Variants in PSME4 observed in about 807,000 individuals in gnomAD.
The protein encoded by PSME4 is proteasome activator subunit 4.
A neutral mutation model predicts 253.9 loss-of-function variants in PSME4; 89 were observed. That is an observed-to-expected ratio of 0.35 (90% confidence interval 0.30 to 0.42). PSME4 has a LOEUF of 0.42. Ranked by LOEUF, PSME4 falls within the 10% of genes least tolerant of loss-of-function variation. PSME4 has a pLI of 1.00. For synonymous variants in PSME4, 851 were observed against 759.2 expected, an observed-to-expected ratio of 1.12 and a Z score of -1.99; for missense variants, 2,014 against 2,195.2, an observed-to-expected ratio of 0.92 and a Z score of 1.65.
intron 26 of PSME4, among the ~76,000 whole-genome samples, chr2:53,904,520 A>G (rs1419091881): frequency 6.6e-6 from 1 of 152,252 alleles, no homozygotes. Flanking sequence ...TCTTATGTCC[A>G]CATGAGGAAA....
chr2:53,870,449 C>G (rs1000820683), intron 43 of PSME4: 1 of 148,460 alleles, frequency 6.7e-6, no homozygotes, highest in African/African-American at 2.5e-5. Context: ...TCTCGGCTCA[C>G]TGCAAGCTTT....
intron 43 of PSME4, chr2:53,870,544 T>A (rs1455345824): frequency 6.6e-6 from 1 of 151,766 alleles, no homozygotes; most frequent in East Asian, 1.9e-4. Context: ...TAATTTTTTT[T>A]TTTTTGTATT....
chr2:53,947,612 A>G (rs1669779973), intron 3 of PSME4, among the ~76,000 whole-genome samples: 1 of 152,168 alleles, frequency 6.6e-6, no homozygotes, highest in Non-Finnish European at 1.5e-5. Context: ...AGGCTGAGGC[A>G]GGAGAACGGC....
intron 10 of PSME4, among the ~76,000 whole-genome samples, chr2:53,930,057 A>T (rs1156963824): frequency 2.0e-5 from 3 of 151,526 alleles, no homozygotes; most frequent in African/African-American, 7.2e-5. Context: ...AATAAATAAT[A>T]AATTTTAAAA....
rs1381553649 is a variant in PSME4, at chr2:53,864,923, G to C, written c.*655C>G. 1.3e-5 allele frequency: 2 copies of C among 152,566 alleles called. No homozygotes were observed. Among genetic ancestry groups the C allele is most frequent in the African/African-American group, 4.8e-5 (2 of 41,434 alleles). The allele number at this position is 152,566 out of a possible 1,614,324, so 9.5% of individuals were successfully genotyped here. A position where few individuals can be genotyped will look rare whatever the true frequency, so the allele number is the denominator to read the frequency against. On this transcript the variant is annotated 3_prime_UTR_variant, in exon 47 of 47. Transcript: ENST00000404125. ...ACACATTGAATACACACAACAATCA[G>C]ATTTCTTCACCAAACCCCCAATTTT...
At chr2:53,886,745 T>A (rs924758776) in intron 40 of PSME4, among the ~76,000 whole-genome samples, 1 of 152,138 alleles carries the variant, frequency 6.6e-6, no homozygotes, top group African/African-American at 2.4e-5. Context: ...CAGGTACTTA[T>A]ACAAACATCA....
chr2:53,930,024 A>T (rs924285343), intron 10 of PSME4, among the ~76,000 whole-genome samples: 2 of 151,434 alleles, frequency 1.3e-5, no homozygotes, highest in Non-Finnish European at 2.9e-5. Flanking sequence ...TCTCTAAATA[A>T]ATAAATAATA....
intron 31 of PSME4, 62 bp downstream of exon 31, chr2:53,897,808 A>G: frequency 1.9e-6 from 3 of 1,541,796 alleles, no homozygotes; most frequent in Non-Finnish European, 2.7e-6. Context: ...TGAAGAATTT[A>G]AAGACTTCAG....
Position 53,970,854 on chromosome 2 carries a change from C to G in PSME4, c.-70G>C, listed in dbSNP as rs1448836737. 3 of 1,285,150 alleles carry G rather than the reference C, an allele frequency of 2.3e-6. No homozygotes were observed. The highest frequency in any genetic ancestry group is 3.2e-5 in the African/African-American group (2 of 63,272). The allele number at this position is 1,285,150 out of a possible 1,614,324, so 79.6% of individuals were successfully genotyped here. On this transcript the variant is annotated 5_prime_UTR_variant, in exon 1 of 47. Transcript: ENST00000404125. ...CCGGCCCCCACCCCTCTCCGGGCTCCGCCTCCTCCGCGTCTTCGTCGCCCT... is the reference window on the plus strand; with the variant it reads ...CCGGCCCCCACCCCTCTCCGGGCTCGGCCTCCTCCGCGTCTTCGTCGCCCT...
At position 53,904,012 on chromosome 2, in the gene PSME4, A is replaced by G; in HGVS notation, c.3075+13T>C. 6.3e-7 allele frequency: 1 copy of G among 1,584,770 alleles called. No homozygotes were observed. ...GAAAATGTTTACAGTAAAATAGGAAAAAAACCCTATACCTTGAATTGTTGC... is the reference window on the plus strand; with the variant it reads ...GAAAATGTTTACAGTAAAATAGGAAGAAAACCCTATACCTTGAATTGTTGC... On this transcript the variant is annotated intron_variant, in intron 27 of 46. Coordinates refer to ENST00000404125, the MANE Select transcript of PSME4 (RefSeq NM_014614.3).
chr2:53,868,392 C>T (rs1678676620), intron 44 of PSME4, among the ~76,000 whole-genome samples: 1 of 150,158 alleles, frequency 6.7e-6, no homozygotes, highest in Admixed American at 6.7e-5. Context: ...GTGGAGGTTG[C>T]AGGGGGCTGA....
rs141116966 is a variant in PSME4, at chr2:53,953,381, G to C, written c.243-4098C>G. Among the ~76,000 whole-genome samples the C allele has an allele frequency of 2.8e-3, 423 of 151,500 alleles. 2 individuals carry two copies. Among genetic ancestry groups the C allele is most frequent in the African/African-American group, 9.6e-3 (396 of 41,282 alleles). ...TTAAAAATGGGCAAAAAGGCTGGGC[G>C]TAGTATACCTGTAATCCCAGCACTT... is the stretch of plus-strand genomic sequence containing the variant. On this transcript the variant is annotated intron_variant, in intron 1 of 46. Transcript: ENST00000404125.
intron 20 of PSME4, among the ~76,000 whole-genome samples, chr2:53,916,641 G>A (rs961281170): frequency 6.6e-6 from 1 of 152,088 alleles, no homozygotes; most frequent in Non-Finnish European, 1.5e-5. Flanking sequence ...AATCAATTTA[G>A]ATTTAGAAGA....
intron 10 of PSME4, among the ~76,000 whole-genome samples, chr2:53,930,337 A>T (rs1021490002): frequency 1.3e-5 from 2 of 152,206 alleles, no homozygotes; most frequent in African/African-American, 4.8e-5. Context: ...CTAAAGAAAC[A>T]TCAAAAACAC....
Position 53,936,768 on chromosome 2 carries a change from T to A in PSME4, c.755A>T (p.Glu252Val). 1 of 1,584,794 alleles carries A rather than the reference T, an allele frequency of 6.3e-7. No individual in the cohort carries two copies. The change falls in exon 6 of 47, where the codon GAG becomes GTG. Residue 252 changes from glutamate (E) to valine (V), a missense_variant. Physicochemically the swap from Glu to Val is moderately radical, Grantham distance 121. Transcript: ENST00000404125. Reference protein sequence around the residue: ...WVSVQNLPQWEGQLVNLFARL... With the variant: ...WVSVQNLPQWVGQLVNLFARL... ...AAGGGAAAAAGGGATACTTACCCCC[T>A]CCCATTGTGGGAGATTTTGCACTGA... is the stretch of plus-strand genomic sequence containing the variant.
At chr2:53,882,282 T>C (rs1194143348) in intron 41 of PSME4, among the ~76,000 whole-genome samples, 1 of 152,200 alleles carries the variant, frequency 6.6e-6, no homozygotes, top group Non-Finnish European at 1.5e-5. Context: ...CTACAGTGTT[T>C]ACCATGTGCC....
At position 53,895,660 on chromosome 2, in the gene PSME4, A is replaced by G; in HGVS notation, c.3765T>C (p.Thr1255=). The G allele has an allele frequency of 1.2e-6, 2 of 1,613,642 alleles. No individual in the cohort carries two copies. The highest frequency in any genetic ancestry group is 1.7e-6 in the Non-Finnish European group (2 of 1,179,804). ...DNHWLHYDSK[T]IPRTKKEWES... is the part of the protein sequence containing the mutation. ...CCCATTCTTTTTTAGTTCTTGGTAT[A>G]GTTTTGCTGTCATAATGCAACCAAT... Residue 1255 remains threonine, a synonymous_variant, in exon 33 of 47, where the codon ACT becomes ACC. Transcript: ENST00000404125.
At chr2:53,927,527 T>C in intron 11 of PSME4, 44 bp from the exon 12 acceptor site, 7 of 1,319,104 alleles carry the variant, frequency 5.3e-6, no homozygotes, top group Non-Finnish European at 7.7e-6. Context: ...ATAATTCTAA[T>C]TCAGAAATAC....
In PSME4 at chr2:53,904,057, C is replaced by G; in HGVS notation, c.3043G>C (p.Asp1015His). ...TGTTGCTGTGTAACACCTTGTCTATCAGGCCTTAAGAACTCCAAAACCAAG... is the reference window on the plus strand; with the variant it reads ...TGTTGCTGTGTAACACCTTGTCTATGAGGCCTTAAGAACTCCAAAACCAAG... ...IPLVLEFLRP[D>H]RQGVTQQQFK... The change falls in exon 27 of 47, where the codon GAT becomes CAT. Residue 1015 changes from aspartate to histidine, a missense_variant. Asp to His is a moderately conservative substitution (Grantham distance 81). Around this residue, in one of 4 missense-constraint regions of PSME4, gnomAD observed 989 missense variants for 1,021.1 expected, o/e 0.97. Coordinates refer to ENST00000404125, the MANE Select transcript of PSME4 (RefSeq NM_014614.3). The G allele has an allele frequency of 1.2e-6, 2 of 1,613,588 alleles. No homozygotes were observed. Among genetic ancestry groups the G allele is most frequent in the Non-Finnish European group, 1.7e-6 (2 of 1,179,740 alleles).
Sources: allele counts gnomAD v4.1 joint callset (sites outside exome capture counted in the v4.1 genomes callset), GRCh38; gene constraint gnomAD v4.1.1; regional missense constraint gnomAD v4.1.1; transcripts MANE v1.5; gene names NCBI Gene and HGNC (gene_info 2026-07-23, HGNC 2026-07-21).